The following ARG2 variants were observed in gnomAD, a reference collection of about 807,000 sequenced individuals.
ARG2 encodes arginase-2, mitochondrial.
ARG2 carries 21 observed loss-of-function variants against 39.4 expected under a neutral mutation model. That is an observed-to-expected ratio of 0.53 (90% CI 0.38 to 0.77). ARG2 has a LOEUF of 0.77. ARG2 is among the 30% of genes least tolerant of loss of function. ARG2 has a pLI of 0.00. For missense variants in ARG2, 378 were observed against 426.2 expected, an observed-to-expected ratio of 0.89 and a Z score of 1.00; for synonymous variants, 150 against 156.7, an observed-to-expected ratio of 0.96 and a Z score of 0.32.
intron 1 of ARG2, among the ~76,000 whole-genome samples, 162 bp from the exon 2 acceptor site, chr14:67,620,732 A>G (rs1015497728): frequency 6.6e-6 from 1 of 152,096 alleles, no homozygotes; most frequent in African/African-American, 2.4e-5. Context: ...TGGCTTGGGC[A>G]GCTGATGTGA....
intron 7 of ARG2, chr14:67,650,477 G>T: frequency 1.9e-6 from 1 of 538,056 alleles, no homozygotes. Context: ...GTTGAACAGG[G>T]ATGGTTTATT....
intron 2 of ARG2, among the ~76,000 whole-genome samples, chr14:67,624,504 A>G (rs1594821645): frequency 6.6e-6 from 1 of 152,176 alleles, no homozygotes; most frequent in Non-Finnish European, 1.5e-5. Context: ...CGGAAGGTGA[A>G]GGGGAAGCAA....
intron 2 of ARG2, among the ~76,000 whole-genome samples, chr14:67,640,293 A>G (rs2037016732): frequency 6.6e-6 from 1 of 152,104 alleles, no homozygotes. Flanking sequence ...TTAAAGTGTA[A>G]TGACCAAAAG....
intron 3 of ARG2, among the ~76,000 whole-genome samples, chr14:67,644,912 A>T (rs1400174683): frequency 6.6e-6 from 1 of 151,794 alleles, no homozygotes. Flanking sequence ...GCAGGAAAAT[A>T]GCTTGAACCC....
intron 7 of ARG2, chr14:67,650,236 CAG>C: frequency 5.2e-6 from 1 of 193,000 alleles, no homozygotes; most frequent in South Asian, 1.1e-4. Context: ...GGTGCTCTAA[CAG>C]ATACAGATAA....
intron 2 of ARG2, among the ~76,000 whole-genome samples, chr14:67,639,209 A>G (rs1291082656): frequency 6.6e-6 from 1 of 152,112 alleles, no homozygotes; most frequent in Non-Finnish European, 1.5e-5. Flanking sequence ...AATACAAGTG[A>G]GTACTGTTTT....
intron 2 of ARG2, among the ~76,000 whole-genome samples, chr14:67,641,364 A>G (rs1302207210): frequency 6.6e-6 from 1 of 152,220 alleles, no homozygotes; most frequent in African/African-American, 2.4e-5. Context: ...CCTTTGGATA[A>G]TGGGTACTCA....
intron 2 of ARG2, among the ~76,000 whole-genome samples, chr14:67,635,408 C>A (rs1290036585): frequency 6.6e-6 from 1 of 152,186 alleles, no homozygotes; most frequent in Non-Finnish European, 1.5e-5. Context: ...AAGAGAAATT[C>A]TACTTACTTC....
intron 2 of ARG2, among the ~76,000 whole-genome samples, chr14:67,636,678 G>C (rs2140750155): frequency 6.6e-6 from 1 of 152,338 alleles, no homozygotes; most frequent in South Asian, 2.1e-4. Flanking sequence ...GGTTTATCAA[G>C]GCCAAAGGTA....
intron 3 of ARG2, among the ~76,000 whole-genome samples, chr14:67,644,277 A>ATAT (rs2037068518): frequency 6.6e-6 from 1 of 152,212 alleles, no homozygotes; most frequent in Non-Finnish European, 1.5e-5. Context: ...TACTACTTTA[A>ATAT]TCATCAAAGC....
At chr14:67,632,240 A>T (rs2036925776) in intron 2 of ARG2, among the ~76,000 whole-genome samples, 1 of 152,194 alleles carries the variant, frequency 6.6e-6, no homozygotes, top group Non-Finnish European at 1.5e-5. Flanking sequence ...CTGTATACAG[A>T]TGTCTTCCAT....
intron 2 of ARG2, among the ~76,000 whole-genome samples, chr14:67,629,965 T>C (rs1480160382): frequency 6.6e-6 from 1 of 152,160 alleles, no homozygotes; most frequent in African/African-American, 2.4e-5. Flanking sequence ...CTTTAAAAAA[T>C]CATCCTAAAT....
chr14:67,647,649 T>A (rs955894447), intron 6 of ARG2: 9 of 159,596 alleles, frequency 5.6e-5, no homozygotes, highest in African/African-American at 2.2e-4. Flanking sequence ...ATAACTTACA[T>A]CAAGCCAATT....
rs61485891 is a variant in ARG2 at position 67,626,193 on chromosome 14, G to A, written c.184+5227G>A. Among the ~76,000 whole-genome samples, 26 of 152,208 alleles carry A rather than the reference G, an allele frequency of 1.7e-4. No individual in the cohort carries two copies. The East Asian group carries it at 4.8e-3, about 28-fold the overall frequency. The stretch of plus-strand genomic sequence containing the variant: ...CACTTGAACCTAGGAGGTGGAGGTT[G>A]CAGTGAGCAGAGATTGTACCACTGC... On this transcript the variant is annotated intron_variant, in intron 2 of 7. Coordinates refer to ENST00000261783, the MANE Select transcript of ARG2 (RefSeq NM_001172.4).
At chr14:67,635,888 G>GA (rs2036967240) in intron 2 of ARG2, among the ~76,000 whole-genome samples, 1 of 152,040 alleles carries the variant, frequency 6.6e-6, no homozygotes, top group Non-Finnish European at 1.5e-5. Flanking sequence ...TAATTTCCAA[G>GA]AATTCCTTTT....
chr14:67,645,614 G>A (rs1397482055), intron 3 of ARG2, 29 bp from the exon 4 acceptor site: 2 of 1,603,154 alleles, frequency 1.2e-6, no homozygotes, highest in South Asian at 1.1e-5. Flanking sequence ...CAAGCAGAGG[G>A]CCTTCAAGAT....
At chr14:67,631,963 C>T (rs979160102) in intron 2 of ARG2, among the ~76,000 whole-genome samples, 1 of 152,202 alleles carries the variant, frequency 6.6e-6, no homozygotes, top group Non-Finnish European at 1.5e-5. Flanking sequence ...CAACCTCTAC[C>T]TCATGGGCTC....
chr14:67,645,929 A>G, intron 4 of ARG2, 127 bp downstream of exon 4: 3 of 1,065,556 alleles, frequency 2.8e-6, no homozygotes, highest in South Asian at 3.2e-5. Context: ...TTTGTTCATC[A>G]CTATTATGGA....
chr14:67,639,521 TG>T (rs1041606200), intron 2 of ARG2, among the ~76,000 whole-genome samples: 1 of 152,194 alleles, frequency 6.6e-6, no homozygotes, highest in African/African-American at 2.4e-5. Flanking sequence ...AGGCATACCC[TG>T]GTGTCTTACA....
Sources: gnomAD v4.1 joint callset for allele counts (sites outside exome capture counted in the v4.1 genomes callset) on GRCh38, gnomAD v4.1.1 for gene constraint, MANE v1.5 for transcripts, NCBI Gene and HGNC (gene_info 2026-07-23, HGNC 2026-07-21) for gene names.